The following SIDT1 variants were observed in gnomAD, a reference collection of about 807,000 sequenced individuals.
The protein encoded by SIDT1 is SID1 transmembrane family, member 1.
A neutral mutation model predicts 107.5 loss-of-function variants in SIDT1; 101 were observed. The ratio of observed to expected loss-of-function variants is 0.94; its 90% CI spans 0.80 to 1.11. The LOEUF (loss-of-function observed/expected upper bound fraction) is 1.11. SIDT1 is among the 50% of genes least tolerant of loss of function. The pLI is 0.00. For synonymous variants in SIDT1, 395 were observed against 398.2 expected (o/e 0.99, Z 0.10); for missense variants, 1,076 against 1,058.2 (o/e 1.02, Z -0.23).
At chr3:113,533,560 G>T (rs761590980) in intron 1 of SIDT1, among the ~76,000 whole-genome samples, 26 of 152,208 alleles carry the variant, frequency 1.7e-4, no homozygotes, top group Non-Finnish European at 2.5e-4. Context: ...TGATTTCTAG[G>T]GTTGCGGGGT....
At chr3:113,615,210 G>C in intron 19 of SIDT1, 1 of 921,922 alleles carries the variant, frequency 1.1e-6, no homozygotes, top group Non-Finnish European at 1.7e-6. Flanking sequence ...TGGGGAGCCA[G>C]AGAGAGGCTC....
At chr3:113,535,897 C>T (rs1177421618) in intron 1 of SIDT1, among the ~76,000 whole-genome samples, 1 of 152,202 alleles carries the variant, frequency 6.6e-6, no homozygotes, top group East Asian at 1.9e-4. Context: ...TCTGTCCAAA[C>T]CATTACCTTC....
At chr3:113,583,626 C>T in intron 7 of SIDT1, 130 bp downstream of exon 7, 1 of 538,814 alleles carries the variant, frequency 1.9e-6, no homozygotes, top group East Asian at 2.7e-5. Flanking sequence ...GGAAAGGCAT[C>T]TGAGAGATAC....
chr3:113,540,510 G>A (rs1392200265), intron 1 of SIDT1, among the ~76,000 whole-genome samples: 1 of 152,136 alleles, frequency 6.6e-6, no homozygotes, highest in African/African-American at 2.4e-5. Flanking sequence ...TTCATCATGG[G>A]TGTTGAGTGA....
intron 17 of SIDT1, among the ~76,000 whole-genome samples, chr3:113,610,102 G>A (rs1443275705): frequency 1.3e-5 from 2 of 152,084 alleles, no homozygotes; most frequent in African/African-American, 2.4e-5. Flanking sequence ...ATTTTTAAGG[G>A]TTGTCATATT....
intron 1 of SIDT1, among the ~76,000 whole-genome samples, chr3:113,551,634 A>T (rs1940244318): frequency 6.6e-6 from 1 of 152,134 alleles, no homozygotes; most frequent in South Asian, 2.1e-4. Flanking sequence ...CTGAAACAAG[A>T]TTTTTTATTA....
intron 5 of SIDT1, 149 bp downstream of exon 5, chr3:113,580,858 A>C (rs1266200072): frequency 5.0e-6 from 3 of 594,324 alleles, no homozygotes; most frequent in African/African-American, 3.7e-5. Flanking sequence ...TGTGAGCACG[A>C]GTGGGCAGAC....
chr3:113,616,730 C>T (rs1441226536), intron 20 of SIDT1, among the ~76,000 whole-genome samples: 1 of 150,690 alleles, frequency 6.6e-6, no homozygotes, highest in Non-Finnish European at 1.5e-5. Context: ...TGCTCTTGGC[C>T]CAGGCTGGAG....
intron 24 of SIDT1, among the ~76,000 whole-genome samples, chr3:113,627,340 G>A (rs773768133): frequency 7.2e-5 from 11 of 152,054 alleles, no homozygotes; most frequent in South Asian, 2.1e-4. Flanking sequence ...TTTGTTTCAC[G>A]TCTAAAGCCC....
At chr3:113,608,002 T>C (rs910025637) in intron 15 of SIDT1, 92 bp from the exon 16 acceptor site, 2 of 1,345,290 alleles carry the variant, frequency 1.5e-6, no homozygotes, top group Non-Finnish European at 2.0e-6. Context: ...AAAACATTCA[T>C]GCTGAATTCA....
At chr3:113,621,458 A>C (rs1946459955) in intron 21 of SIDT1, among the ~76,000 whole-genome samples, 1 of 152,106 alleles carries the variant, frequency 6.6e-6, no homozygotes, top group South Asian at 2.1e-4. Flanking sequence ...GAAAAAAAAA[A>C]AGAACGAAGT....
chr3:113,599,778 C>A (rs1373460386), intron 10 of SIDT1, among the ~76,000 whole-genome samples: 4 of 152,112 alleles, frequency 2.6e-5, no homozygotes, highest in Non-Finnish European at 5.9e-5. Context: ...TACAAATCTG[C>A]AGGCAGGTAG....
chr3:113,536,406 C>T (rs924468326), intron 1 of SIDT1, among the ~76,000 whole-genome samples: 10 of 152,190 alleles, frequency 6.6e-5, no homozygotes, highest in Non-Finnish European at 1.0e-4. Flanking sequence ...CATTGCCCAC[C>T]TCCCCTCTTC....
At chr3:113,624,525 C>T (rs1313714075) in intron 23 of SIDT1, among the ~76,000 whole-genome samples, 1 of 152,134 alleles carries the variant, frequency 6.6e-6, no homozygotes, top group African/African-American at 2.4e-5. Context: ...TGGATTGTTT[C>T]TATTTTTGTG....
At chr3:113,611,338 A>G (rs1039108212) in intron 18 of SIDT1, among the ~76,000 whole-genome samples, 194 bp downstream of exon 18, 1 of 152,008 alleles carries the variant, frequency 6.6e-6, no homozygotes, top group African/African-American at 2.4e-5. Flanking sequence ...TTACTTAGTT[A>G]TTTAGTTTTT....
Position 113,610,988 on chromosome 3 carries a change from C to T in SIDT1, c.1721-20C>T. 6.2e-7 allele frequency: 1 copy of T among 1,610,496 alleles called. No homozygotes were observed. The highest frequency in any genetic ancestry group is 8.5e-7 in the Non-Finnish European group (1 of 1,177,964). On this transcript the variant is annotated intron_variant, in intron 17 of 24. Coordinates refer to ENST00000264852, the MANE Select transcript of SIDT1 (RefSeq NM_017699.3). ...CACCTACTGAATCCTGATCATCTGG[C>T]TCCTCCTTTGGGTCCTCAGACACCT... is the stretch of plus-strand genomic sequence containing the variant.
chr3:113,541,892 C>T (rs1427426217), intron 1 of SIDT1, among the ~76,000 whole-genome samples: 1 of 147,592 alleles, frequency 6.8e-6, no homozygotes, highest in Non-Finnish European at 1.5e-5. Context: ...TTTTACCAGA[C>T]TTTATCTAGT....
chr3:113,578,431 C>G (rs1309825799), intron 4 of SIDT1, among the ~76,000 whole-genome samples: 2 of 148,916 alleles, frequency 1.3e-5, no homozygotes, highest in Non-Finnish European at 3.0e-5. Context: ...TGAGCCACTG[C>G]ACTCCAGCCT....
In SIDT1 at chr3:113,603,025, G is replaced by A. The variant is rs1945068753; in HGVS notation, c.1138G>A (p.Gly380Arg). The change falls in exon 12 of 25, where the codon GGA becomes AGA. Residue 380 changes from glycine to arginine, a missense_variant. Coordinates refer to ENST00000264852, the MANE Select transcript of SIDT1 (RefSeq NM_017699.3). ...GTIDESSSSP[G>R]RQMSSSDGGP... ...TTCAGATGAGTCAAGCTCCAGTCCT[G>A]GAAGGCAGATGTCCTCCTCCGATGG... The A allele has an allele frequency of 5.6e-6, 9 of 1,613,950 alleles. No homozygotes were observed. The highest frequency in any genetic ancestry group is 7.6e-6 in the Non-Finnish European group (9 of 1,179,996).
Sources: gnomAD v4.1 joint callset for allele counts (sites outside exome capture counted in the v4.1 genomes callset) on GRCh38, gnomAD v4.1.1 for gene constraint, MANE v1.5 for transcripts, NCBI Gene and HGNC (gene_info 2026-07-23, HGNC 2026-07-21) for gene names.